The following C18orf63 variants were observed in gnomAD, a reference collection of about 807,000 sequenced individuals.
C18orf63 encodes uncharacterized protein C18orf63.
C18orf63 carries 50 observed loss-of-function variants against 75.3 expected under a neutral mutation model. The ratio of observed to expected loss-of-function variants is 0.66; its 90% CI spans 0.53 to 0.84. C18orf63 has a LOEUF of 0.84. Ranked by LOEUF, C18orf63 falls within the 40% of genes least tolerant of loss-of-function variation. C18orf63 has a pLI of 0.00. For synonymous variants in C18orf63, 232 were observed against 267.6 expected (o/e 0.87, Z 1.30); for missense variants, 732 against 800.2 (o/e 0.91, Z 1.03).
intron 13 of C18orf63, among the ~76,000 whole-genome samples, chr18:74,354,931 C>T (rs1016233434): frequency 3.9e-5 from 6 of 152,172 alleles, no homozygotes; most frequent in Non-Finnish European, 4.4e-5. Context: ...AATGATGTTT[C>T]AAAGGTTAAT....
At chr18:74,349,565 G>A (rs1269433134) in intron 11 of C18orf63, among the ~76,000 whole-genome samples, 4 of 152,142 alleles carry the variant, frequency 2.6e-5, no homozygotes, top group Non-Finnish European at 4.4e-5. Flanking sequence ...GTAGGAGCAC[G>A]AACCCTATTG....
In C18orf63 at chr18:74,357,518, A is replaced by G. The variant is rs1281024694; in HGVS notation, c.*1071A>G. On this transcript the variant is annotated 3_prime_UTR_variant, in exon 14 of 14. Coordinates refer to ENST00000579455, the MANE Select transcript of C18orf63 (RefSeq NM_001174123.2). ...AAATATTATATAATTGTTGTAATAT[A>G]TTTAAAAGAAACCAAAATCTTCATT... 1.3e-5 allele frequency: 2 copies of G among 152,232 alleles called. No homozygotes were observed. Among genetic ancestry groups the G allele is most frequent in the Non-Finnish European group, 2.9e-5 (2 of 68,038 alleles). The allele number at this position is 152,232 out of a possible 1,614,324, so 9.4% of individuals were successfully genotyped here. A position where few individuals can be genotyped will look rare whatever the true frequency, so the allele number is the denominator to read the frequency against.
chr18:74,330,858 A>C lies in C18orf63; in HGVS notation c.425-8A>C. 2 of 1,168,110 alleles carry C rather than the reference A, an allele frequency of 1.7e-6. No homozygotes were observed. The highest frequency in any genetic ancestry group is 2.4e-6 in the Non-Finnish European group (2 of 839,098). 72.4% of individuals were successfully genotyped at this position (1,168,110 alleles called of 1,614,324 possible). A position where few individuals can be genotyped will look rare whatever the true frequency, so the allele number is the denominator to read the frequency against. On this transcript the variant is annotated splice_polypyrimidine_tract_variant and splice_region_variant and intron_variant, in intron 6 of 13. Transcript: ENST00000579455. ...CAGGTAGTTCACAGTTAAATATTTT[A>C]TTTTCAGTATTAAACATCAATGTAA... is the stretch of plus-strand genomic sequence containing the variant.
In C18orf63 at chr18:74,357,401, T is replaced by C. The variant is rs1984785731; in HGVS notation, c.*954T>C. ...TCTAGTCCATATTACAAATAAATTA[T>C]CTAACATTTGAAAAAAAGAGAAACA... On this transcript the variant is annotated 3_prime_UTR_variant, in exon 14 of 14. Coordinates refer to ENST00000579455, the MANE Select transcript of C18orf63 (RefSeq NM_001174123.2). 1 of 152,178 alleles carries C rather than the reference T, an allele frequency of 6.6e-6. No individual in the cohort carries two copies. Among genetic ancestry groups the C allele is most frequent in the South Asian group, 2.1e-4 (1 of 4,834 alleles). 9.4% of individuals were successfully genotyped at this position (152,178 alleles called of 1,614,324 possible). A position where few individuals can be genotyped will look rare whatever the true frequency, so the allele number is the denominator to read the frequency against.
chr18:74,330,938 C>T lies in C18orf63; in HGVS notation c.497C>T (p.Pro166Leu). The change falls in exon 7 of 14, where the codon CCT becomes CTT. Residue 166 changes from proline to leucine, a missense_variant. Coordinates refer to ENST00000579455, the MANE Select transcript of C18orf63 (RefSeq NM_001174123.2). ...GCTTGCACAATCAGACTGCCAGCACCTGAGGTACCATATATTGTGATTTCT... is the reference window on the plus strand; with the variant it reads ...GCTTGCACAATCAGACTGCCAGCACTTGAGGTACCATATATTGTGATTTCT... ...IEACTIRLPA[P>L]ELKEFEISQS... The T allele has an allele frequency of 7.0e-7, 1 of 1,421,498 alleles. No homozygotes were observed. The highest frequency in any genetic ancestry group is 1.4e-5 in the African/African-American group (1 of 69,270). 88.1% of individuals were successfully genotyped at this position (1,421,498 alleles called of 1,614,324 possible). A position where few individuals can be genotyped will look rare whatever the true frequency, so the allele number is the denominator to read the frequency against.
chr18:74,327,775 C>T (rs555202978), intron 4 of C18orf63, among the ~76,000 whole-genome samples, 172 bp from the exon 5 acceptor site: 2 of 152,302 alleles, frequency 1.3e-5, no homozygotes, highest in South Asian at 2.1e-4. Flanking sequence ...TATTTTAACA[C>T]TTCTTTAACT....
At position 74,342,064 on chromosome 18, in the gene C18orf63, A is replaced by T; in HGVS notation, c.644A>T (p.His215Leu). The change falls in exon 9 of 14, where the codon CAT becomes CTT. Residue 215 changes from histidine (H) to leucine (L), a missense_variant. By Grantham distance (99) the His-to-Leu change is moderately conservative. Transcript: ENST00000579455. ...ATGGGACAAATTATAAATATTTTTC[A>T]TGCCATCCCCGCTGCCTGTCCTTTT... ...MKMGQIINIF[H>L]AIPAACPFHS... The T allele has an allele frequency of 6.5e-7, 1 of 1,526,788 alleles. No individual in the cohort carries two copies. The highest frequency in any genetic ancestry group is 1.2e-5 in the South Asian group (1 of 83,258). 94.6% of individuals were successfully genotyped at this position (1,526,788 alleles called of 1,614,324 possible). A position where few individuals can be genotyped will look rare whatever the true frequency, so the allele number is the denominator to read the frequency against.
intron 1 of C18orf63, among the ~76,000 whole-genome samples, chr18:74,316,996 T>C (rs1984037931): frequency 6.6e-6 from 1 of 152,232 alleles, no homozygotes; most frequent in South Asian, 2.1e-4. Flanking sequence ...CCTACTGTAT[T>C]ACATTCCTGC....
At chr18:74,323,319 G>GTAC (rs1984156535) in intron 4 of C18orf63, among the ~76,000 whole-genome samples, 1 of 152,146 alleles carries the variant, frequency 6.6e-6, no homozygotes, top group Admixed American at 6.5e-5. Flanking sequence ...CCTAAGTCTA[G>GTAC]TAGAGTTTGG....
chr18:74,353,170 A>T, intron 11 of C18orf63, 76 bp from the exon 12 acceptor site: 1 of 959,624 alleles, frequency 1.0e-6, no homozygotes, highest in Non-Finnish European at 1.5e-6. Flanking sequence ...TTTGGATGAT[A>T]CTTTATATTT....
At chr18:74,334,717 ATTT>A (rs1182774652) in intron 7 of C18orf63, among the ~76,000 whole-genome samples, 13 of 152,074 alleles carry the variant, frequency 8.5e-5, no homozygotes, top group African/African-American at 3.1e-4. Context: ...CCTCCAGTTT[ATTT>A]TGTTTGCTTT....
chr18:74,327,668 TA>T (rs758397986), intron 4 of C18orf63, among the ~76,000 whole-genome samples: 2 of 152,234 alleles, frequency 1.3e-5, no homozygotes, highest in Non-Finnish European at 2.9e-5. Context: ...TCAAGGGTTT[TA>T]GCACAGAACT....
intron 7 of C18orf63, among the ~76,000 whole-genome samples, chr18:74,335,994 G>A (rs1984384970): frequency 6.6e-6 from 1 of 152,062 alleles, no homozygotes. Flanking sequence ...TGGAGATAAT[G>A]ATATCCCTTC....
At chr18:74,327,030 G>C (rs1457879699) in intron 4 of C18orf63, among the ~76,000 whole-genome samples, 1 of 152,098 alleles carries the variant, frequency 6.6e-6, no homozygotes, top group Non-Finnish European at 1.5e-5. Context: ...TTATACAAAG[G>C]CTGGAATGTA....
rs76315481 is a variant in C18orf63, at chr18:74,353,748, A to T, written c.1481A>T (p.Asn494Ile). Residue 494 changes from asparagine to isoleucine, a missense_variant, in exon 12 of 14, where the codon AAC becomes ATC. Physicochemically the swap from Asn to Ile is moderately radical, Grantham distance 149. This residue lies in a region of C18orf63 where 495 missense variants were observed against 508.7 expected (regional missense o/e 0.97). Transcript: ENST00000579455. ...GPAIKNRYSS[N>I]IQMQAANNLN... is the part of the protein sequence containing the mutation. Reference sequence around the variant, plus strand: ...GCTATAAAAAACCGTTATAGTAGTAACATTCAGATGCAGGCTGCTAACAAT... The same window carrying T: ...GCTATAAAAAACCGTTATAGTAGTATCATTCAGATGCAGGCTGCTAACAAT... The T allele has an allele frequency of 7.2e-6, 11 of 1,536,058 alleles. No individual in the cohort carries two copies. Among genetic ancestry groups the T allele is most frequent in the Non-Finnish European group, 8.7e-6 (10 of 1,146,872 alleles).
Position 74,331,522 on chromosome 18 carries a change from T to G in C18orf63, c.501+580T>G, listed in dbSNP as rs76197313. On this transcript the variant is annotated intron_variant, in intron 7 of 13. Transcript: ENST00000579455. The stretch of plus-strand genomic sequence containing the variant: ...GGTTGAGGGCAGGGAAATGAATGAT[T>G]GGCTCCTTATGAGAAATTTGGCAAT... Among the ~76,000 whole-genome samples, 1,231 of 152,296 alleles carry G rather than the reference T, an allele frequency of 8.1e-3. 19 individuals are homozygous for G. The highest frequency in any genetic ancestry group is 0.028 in the African/African-American group (1,175 of 41,550).
chr18:74,345,961 C>T (rs1011255943), intron 11 of C18orf63, among the ~76,000 whole-genome samples: 3 of 96,288 alleles, frequency 3.1e-5, no homozygotes, highest in South Asian at 3.1e-4. Flanking sequence ...CAGACACACT[C>T]GTGCACACAC....
chr18:74,328,897 C>T, intron 5 of C18orf63, 98 bp from the exon 6 acceptor site: 2 of 665,852 alleles, frequency 3.0e-6, no homozygotes, highest in Non-Finnish European at 5.2e-6. Context: ...AAAGTATTTT[C>T]TTTAGCTTTG....
chr18:74,318,420 C>T (rs539016150), intron 2 of C18orf63, among the ~76,000 whole-genome samples: 3 of 152,218 alleles, frequency 2.0e-5, no homozygotes, highest in African/African-American at 7.2e-5. Flanking sequence ...TCTTAATTCT[C>T]AAGTCAGTAT....
Sources: allele counts gnomAD v4.1 joint callset (sites outside exome capture counted in the v4.1 genomes callset), GRCh38; gene constraint gnomAD v4.1.1; regional missense constraint gnomAD v4.1.1; transcripts MANE v1.5; gene names NCBI Gene and HGNC (gene_info 2026-07-23, HGNC 2026-07-21).